Variants in ITGA9 observed in about 807,000 individuals in gnomAD.
The protein encoded by ITGA9 is integrin subunit alpha 9.
ITGA9 carries 56 observed loss-of-function variants against 127.8 expected under a neutral mutation model. That is an observed-to-expected ratio of 0.44 (90% confidence interval 0.35 to 0.55). ITGA9 has a LOEUF of 0.55. Ranked by LOEUF, ITGA9 falls within the 20% of genes least tolerant of loss-of-function variation. The pLI, the probability that ITGA9 is intolerant of heterozygous loss-of-function variation, is 0.00. For synonymous variants in ITGA9, 508 were observed against 514.5 expected (o/e 0.99, Z 0.17); for missense variants, 1,196 against 1,347.1 (o/e 0.89, Z 1.76).
At chr3:37,529,718 C>T (rs192110002) in intron 13 of ITGA9, among the ~76,000 whole-genome samples, 1 of 152,298 alleles carries the variant, frequency 6.6e-6, no homozygotes, top group African/African-American at 2.4e-5. Flanking sequence ...GATGCCCTAA[C>T]CCTGTGCCTA....
chr3:37,457,779 G>C (rs1027417521), intron 1 of ITGA9, among the ~76,000 whole-genome samples: 1 of 152,160 alleles, frequency 6.6e-6, no homozygotes, highest in Non-Finnish European at 1.5e-5. Flanking sequence ...AGCTGGCAAG[G>C]GTGCTGTTTT....
At chr3:37,774,619 C>T (rs1176414258) in intron 23 of ITGA9, among the ~76,000 whole-genome samples, 2 of 151,620 alleles carry the variant, frequency 1.3e-5, no homozygotes. Context: ...CCCAGCTACT[C>T]AGGAGGCTGA....
chr3:37,622,162 A>C, intron 15 of ITGA9, among the ~76,000 whole-genome samples: 1 of 139,120 alleles, frequency 7.2e-6, no homozygotes, highest in Admixed American at 7.7e-5. Flanking sequence ...TCCCCGGCTC[A>C]CTGCAAGCTC....
intron 17 of ITGA9, among the ~76,000 whole-genome samples, chr3:37,664,971 C>CTTTTTT (rs34608197): frequency 8.2e-6 from 1 of 122,550 alleles, no homozygotes; most frequent in African/African-American, 3.1e-5. Flanking sequence ...GAGTAGCTGG[C>CTTTTTT]TTTTTTTTTT....
chr3:37,798,701 A>G (rs772756520), intron 26 of ITGA9, among the ~76,000 whole-genome samples: 61 of 152,192 alleles, frequency 4.0e-4, no homozygotes, highest in Non-Finnish European at 6.9e-4. Context: ...AATATCCCAA[A>G]GGTTAGAATT....
At position 37,732,709 on chromosome 3, in the gene ITGA9, C is replaced by G; in HGVS notation, c.2068-3C>G. 6.2e-7 allele frequency: 1 copy of G among 1,604,902 alleles called. No individual in the cohort carries two copies. The highest frequency in any genetic ancestry group is 8.5e-7 in the Non-Finnish European group (1 of 1,176,186). ...GCCCATCTGTTGGTGCTTTTTCTTTCAGGAGGAGATGGGCATCTCCTGTGA... is the reference window on the plus strand; with the variant it reads ...GCCCATCTGTTGGTGCTTTTTCTTTGAGGAGGAGATGGGCATCTCCTGTGA... On this transcript the variant is annotated splice_region_variant and splice_polypyrimidine_tract_variant and intron_variant, in intron 18 of 27. Transcript: ENST00000264741.
intron 17 of ITGA9, among the ~76,000 whole-genome samples, chr3:37,658,932 C>T (rs778603075): frequency 3.3e-5 from 5 of 152,132 alleles, no homozygotes; most frequent in Admixed American, 6.5e-5. Flanking sequence ...GTTTCTTCTT[C>T]GCTTATGAAG....
intron 16 of ITGA9, among the ~76,000 whole-genome samples, chr3:37,637,920 G>A (rs190239215): frequency 6.6e-6 from 1 of 152,114 alleles, no homozygotes; most frequent in Non-Finnish European, 1.5e-5. Context: ...TGATCTGTCC[G>A]CCTTGACCTC....
At chr3:37,740,682 G>A (rs1696422425) in intron 20 of ITGA9, among the ~76,000 whole-genome samples, 1 of 152,204 alleles carries the variant, frequency 6.6e-6, no homozygotes, top group South Asian at 2.1e-4. Context: ...CTCTGGGGTT[G>A]CTCTGAGGTC....
intron 15 of ITGA9, among the ~76,000 whole-genome samples, chr3:37,619,258 G>T (rs1700105069): frequency 6.6e-6 from 1 of 152,140 alleles, no homozygotes; most frequent in South Asian, 2.1e-4. Context: ...GAGTGCTAGG[G>T]TGACCCTAGC....
At chr3:37,777,142 A>G (rs78640218) in intron 23 of ITGA9, among the ~76,000 whole-genome samples, 2 of 152,180 alleles carry the variant, frequency 1.3e-5, no homozygotes, top group South Asian at 4.1e-4. Context: ...TCCTAGTCAC[A>G]TCTCATTTGC....
intron 15 of ITGA9, among the ~76,000 whole-genome samples, chr3:37,576,613 T>G (rs1166270918): frequency 2.6e-5 from 4 of 152,258 alleles, no homozygotes; most frequent in Middle Eastern, 3.4e-3. Flanking sequence ...GTCTCAACCA[T>G]AATGTGTTTT....
At chr3:37,804,086 A>G (rs1697266612) in intron 27 of ITGA9, 144 bp downstream of exon 27, 2 of 1,292,396 alleles carry the variant, frequency 1.5e-6, no homozygotes, top group Admixed American at 1.9e-5. Context: ...TCAGGCAGGG[A>G]GTGGAATCTT....
chr3:37,708,341 G>T (rs942983538), intron 18 of ITGA9, among the ~76,000 whole-genome samples: 13 of 152,210 alleles, frequency 8.5e-5, no homozygotes, highest in African/African-American at 3.1e-4. Context: ...GCTGCATTCT[G>T]TTGGTGAGAG....
chr3:37,543,807 C>T (rs1183807230), intron 15 of ITGA9, among the ~76,000 whole-genome samples: 3 of 152,222 alleles, frequency 2.0e-5, no homozygotes, highest in Non-Finnish European at 2.9e-5. Flanking sequence ...CCATGCCCCT[C>T]AGATGCTTCT....
At chr3:37,508,899 G>C (rs1371566425) in intron 8 of ITGA9, among the ~76,000 whole-genome samples, 1 of 152,176 alleles carries the variant, frequency 6.6e-6, no homozygotes, top group Non-Finnish European at 1.5e-5. Context: ...CCGTAGTTCA[G>C]ACTGTCATCA....
chr3:37,633,844 C>T (rs1331209813), intron 16 of ITGA9, among the ~76,000 whole-genome samples: 2 of 152,154 alleles, frequency 1.3e-5, no homozygotes, highest in Admixed American at 6.5e-5. Flanking sequence ...AAGTATTGTA[C>T]CACATATTGC....
At chr3:37,790,076 T>A in intron 26 of ITGA9, 1 of 555,274 alleles carries the variant, frequency 1.8e-6, no homozygotes, top group South Asian at 1.4e-5. Flanking sequence ...TTATGATTGT[T>A]AAGAAGTGTC....
At chr3:37,745,815 C>T (rs567478525) in intron 22 of ITGA9, 1 of 152,316 alleles carries the variant, frequency 6.6e-6, no homozygotes, top group East Asian at 1.9e-4. Flanking sequence ...AAATAGTTTT[C>T]TTCACATCTG....
Sources: allele counts gnomAD v4.1 joint callset (sites outside exome capture counted in the v4.1 genomes callset), GRCh38; gene constraint gnomAD v4.1.1; transcripts MANE v1.5; gene names NCBI Gene and HGNC (gene_info 2026-07-23, HGNC 2026-07-21).